Variants in PYROXD1 observed in about 807,000 individuals in gnomAD.
PYROXD1 encodes the protein pyridine nucleotide-disulphide oxidoreductase domain 1.
Under a neutral mutation model 62.0 loss-of-function variants are expected in PYROXD1, and 42 were observed. The observed-to-expected ratio is 0.68, with a 90% CI of 0.53 to 0.88. PYROXD1 has a LOEUF of 0.88. Among genes scored for constraint, PYROXD1 ranks in the 40% least tolerant of loss-of-function variants. The pLI is 0.00. For missense variants in PYROXD1, 493 were observed against 604.8 expected, an observed-to-expected ratio of 0.82 and a Z score of 1.94; for synonymous variants, 170 against 206.4, an observed-to-expected ratio of 0.82 and a Z score of 1.51.
rs575726342 is a variant in PYROXD1, at chr12:21,467,829, T to G, written c.1254+211T>G. ...AATTATCCACCTTACCACTATTCTA[T>G]TTTAGTTAAGAGGGAAAAAAATTTC... On this transcript the variant is annotated intron_variant, in intron 11 of 11. Coordinates refer to ENST00000240651, the MANE Select transcript of PYROXD1 (RefSeq NM_024854.5). 1.3e-5 allele frequency among the ~76,000 whole-genome samples: 2 copies of G among 152,136 alleles called. 1 individual carries two copies. The highest frequency in any genetic ancestry group is 4.1e-4 in the South Asian group (2 of 4,828).
intron 4 of PYROXD1, 69 bp from the exon 5 acceptor site, chr12:21,452,012 G>A (rs1198882226): frequency 1.6e-5 from 14 of 886,620 alleles, no homozygotes; most frequent in Middle Eastern, 2.3e-4. Context: ...GAATATTATC[G>A]AAGCCTCATA....
At chr12:21,455,370 T>A in intron 6 of PYROXD1, 78 bp downstream of exon 6, 1 of 875,862 alleles carries the variant, frequency 1.1e-6, no homozygotes. Context: ...CAAGAAAATT[T>A]AATAAAATAA....
intron 3 of PYROXD1, among the ~76,000 whole-genome samples, chr12:21,446,729 T>C (rs1051874390): frequency 4.0e-5 from 6 of 151,808 alleles, no homozygotes; most frequent in South Asian, 2.1e-4. Flanking sequence ...CTGGGCAACA[T>C]AGCAAAACCC....
At chr12:21,448,154 T>G in intron 3 of PYROXD1, 1 of 679,330 alleles carries the variant, frequency 1.5e-6, no homozygotes, top group Non-Finnish European at 2.8e-6. Context: ...GGCCATCAGA[T>G]GATATCAATT....
chr12:21,455,659 T>G (rs1181646477), intron 6 of PYROXD1, among the ~76,000 whole-genome samples: 1 of 151,198 alleles, frequency 6.6e-6, no homozygotes, highest in Non-Finnish European at 1.5e-5. Flanking sequence ...GATTATAAAA[T>G]TAAACAAGAG....
chr12:21,462,723 T>C lies in PYROXD1; in HGVS notation c.994-17T>C, dbSNP rs367919698. 6.2e-7 allele frequency: 1 copy of C among 1,612,666 alleles called. No individual in the cohort carries two copies. The highest frequency in any genetic ancestry group is 1.1e-5 in the South Asian group (1 of 90,996). On this transcript the variant is annotated splice_polypyrimidine_tract_variant and intron_variant, in intron 9 of 11. Coordinates refer to ENST00000240651, the MANE Select transcript of PYROXD1 (RefSeq NM_024854.5). ...CATTTTTCTTAACACTTAACGCTTA[T>C]GAGGAATGTTGTTTAGTTTGATCTA...
At chr12:21,439,525 T>G (rs549319227) in intron 1 of PYROXD1, among the ~76,000 whole-genome samples, 1 of 152,182 alleles carries the variant, frequency 6.6e-6, no homozygotes, top group African/African-American at 2.4e-5. Flanking sequence ...CTTAGAACTT[T>G]GGGAGGCCAA....
At chr12:21,465,725 A>G (rs191712877) in intron 10 of PYROXD1, among the ~76,000 whole-genome samples, 2 of 151,836 alleles carry the variant, frequency 1.3e-5, no homozygotes, top group Non-Finnish European at 1.5e-5. Flanking sequence ...GGTGTTTTAG[A>G]CATGAAGTCC....
intron 6 of PYROXD1, 133 bp from the exon 7 acceptor site, chr12:21,455,862 A>G: frequency 1.6e-6 from 1 of 615,270 alleles, no homozygotes; most frequent in South Asian, 2.0e-5. Context: ...TGATTAATAT[A>G]GATAACATAG....
At chr12:21,447,211 G>T (rs73067965) in intron 3 of PYROXD1, among the ~76,000 whole-genome samples, 2,362 of 152,150 alleles carry the variant, frequency 0.016, 25 homozygotes, top group Middle Eastern at 0.051. Context: ...TTAGAGATGT[G>T]TTTTATCTCC....
At chr12:21,441,978 G>A (rs1391616080) in intron 2 of PYROXD1, among the ~76,000 whole-genome samples, 1 of 152,256 alleles carries the variant, frequency 6.6e-6, no homozygotes, top group Non-Finnish European at 1.5e-5. Context: ...AGCTCCGTCA[G>A]CTGAGTTAAT....
intron 7 of PYROXD1, chr12:21,456,725 G>A (rs756647363): frequency 2.6e-5 from 6 of 231,856 alleles, no homozygotes; most frequent in South Asian, 4.4e-5. Flanking sequence ...TCTTCCTCTC[G>A]TGAAAGACTT....
rs759366164 is a variant in PYROXD1, at chr12:21,455,181, A to G, written c.538A>G (p.Ile180Val). The G allele has an allele frequency of 2.2e-5, 35 of 1,567,136 alleles. No homozygotes were observed. Among genetic ancestry groups the G allele is most frequent in the Non-Finnish European group, 2.9e-5 (33 of 1,156,670 alleles). Residue 180 changes from isoleucine (I) to valine (V), a missense_variant, in exon 6 of 12, where the codon ATA (isoleucine) becomes GTA (valine). Around this residue, in one of 2 missense-constraint regions of PYROXD1, gnomAD observed 329 missense variants for 446.6 expected, o/e 0.74. Transcript: ENST00000240651. Reference sequence around the variant, plus strand: ...GATTTGGGCCATTAAAGATAAAGCTATAGGGAATACTTTCTTCGATGCAGG... The same window carrying G: ...GATTTGGGCCATTAAAGATAAAGCTGTAGGGAATACTTTCTTCGATGCAGG... The part of the protein sequence containing the change: ...EVIWAIKDKA[I>V]GNTFFDAGAA...
chr12:21,458,662 T>G (rs576032130), intron 7 of PYROXD1, among the ~76,000 whole-genome samples: 2 of 152,304 alleles, frequency 1.3e-5, no homozygotes, highest in South Asian at 4.1e-4. Context: ...GGTTTCAATA[T>G]TCTTGTGTCT....
rs1378078348 is a variant in PYROXD1, at chr12:21,461,083, A to T, written c.809A>T (p.Asp270Val). ...GAAGTAAAGAAAATCTACCTTCAGGATGAGTTTAGAATTTTGAAGAAAAAG... is the reference window on the plus strand; with the variant it reads ...GAAGTAAAGAAAATCTACCTTCAGGTTGAGTTTAGAATTTTGAAGAAAAAG... ...MCEVKKIYLQDEFRILKKKSF... is the reference protein window; with the variant it reads ...MCEVKKIYLQVEFRILKKKSF... Residue 270 changes from aspartate (D) to valine (V), a missense_variant, in exon 8 of 12, where the codon GAT becomes GTT. By Grantham distance (152) the Asp-to-Val change is radical. Coordinates refer to ENST00000240651, the MANE Select transcript of PYROXD1 (RefSeq NM_024854.5). 2 of 1,583,532 alleles carry T rather than the reference A, an allele frequency of 1.3e-6. No homozygotes were observed. The highest frequency in any genetic ancestry group is 2.3e-5 in the South Asian group (2 of 85,486).
intron 4 of PYROXD1, among the ~76,000 whole-genome samples, chr12:21,450,198 C>T (rs1942469620): frequency 6.6e-6 from 1 of 152,004 alleles, no homozygotes; most frequent in South Asian, 2.1e-4. Flanking sequence ...TTTTAGTTGA[C>T]ACTATGTTTT....
At chr12:21,444,010 A>G (rs139785815) in intron 2 of PYROXD1, among the ~76,000 whole-genome samples, 30 of 152,356 alleles carry the variant, frequency 2.0e-4, no homozygotes, top group African/African-American at 6.3e-4. Context: ...TCTCATAAGT[A>G]TCTTTCCAGA....
intron 9 of PYROXD1, among the ~76,000 whole-genome samples, chr12:21,462,460 C>A (rs80193122): frequency 9.7e-5 from 14 of 144,506 alleles, no homozygotes; most frequent in Non-Finnish European, 4.6e-5. Flanking sequence ...TTGAAGCTTA[C>A]AAAAAAAAAA....
chr12:21,462,197 A>G, intron 9 of PYROXD1, 77 bp downstream of exon 9: 1 of 787,036 alleles, frequency 1.3e-6, no homozygotes, highest in South Asian at 1.6e-5. Flanking sequence ...TCAAACATGA[A>G]TAATTATTAT....
Sources: gnomAD v4.1 joint callset for allele counts (sites outside exome capture counted in the v4.1 genomes callset) on GRCh38, gnomAD v4.1.1 for gene constraint, gnomAD v4.1.1 regional missense constraint, MANE v1.5 for transcripts, NCBI Gene and HGNC (gene_info 2026-07-23, HGNC 2026-07-21) for gene names.